DNAJB12: variants seen among roughly 807,000 people sequenced by gnomAD.
DNAJB12 encodes dnaJ homolog subfamily B member 12.
Under a neutral mutation model 40.6 loss-of-function variants are expected in DNAJB12, and 14 were observed. The observed-to-expected ratio is 0.34, with a 90% CI of 0.23 to 0.54. The LOEUF (loss-of-function observed/expected upper bound fraction) is 0.54. Ranked by LOEUF, DNAJB12 falls within the 20% of genes least tolerant of loss-of-function variation. The pLI, the probability that DNAJB12 is intolerant of heterozygous loss-of-function variation, is 0.92. For synonymous variants in DNAJB12, 181 were observed against 199.5 expected (o/e 0.91, Z 0.78); for missense variants, 444 against 501.7 (o/e 0.89, Z 1.10).
At chr10:72,344,336 C>A (rs1861722945) in intron 2 of DNAJB12, among the ~76,000 whole-genome samples, 1 of 152,206 alleles carries the variant, frequency 6.6e-6, no homozygotes, top group East Asian at 1.9e-4. Context: ...GGCCTTGGTC[C>A]TGAAGCTTGC....
At position 72,335,119 on chromosome 10, in the gene DNAJB12, C is replaced by T; in HGVS notation, c.*31-502G>A. 1.0e-6 allele frequency: 1 copy of T among 989,792 alleles called. No individual in the cohort carries two copies. Among genetic ancestry groups the T allele is most frequent in the South Asian group, 4.6e-5 (1 of 21,934 alleles). 61.3% of individuals were successfully genotyped at this position (989,792 alleles called of 1,614,324 possible). A position where few individuals can be genotyped will look rare whatever the true frequency, so the allele number is the denominator to read the frequency against. On this transcript the variant is annotated intron_variant, in intron 8 of 8. Coordinates refer to ENST00000444643, the MANE Select transcript of DNAJB12 (RefSeq NM_017626.7). This position sits in a 1 kb window ranked among gnomAD's most constrained non-coding sequence, Gnocchi z 4.4. ...GAGATGCCTGGGCAAGGCCGGATGC[C>T]TGTGGCTTCCAGGCTGCCAGGTGTG...
At chr10:72,348,950 T>C (rs1861868049) in intron 1 of DNAJB12, among the ~76,000 whole-genome samples, 1 of 152,178 alleles carries the variant, frequency 6.6e-6, no homozygotes, top group Admixed American at 6.5e-5. Context: ...ACCACACAGC[T>C]GGTTAGGAGG....
intron 6 of DNAJB12, 84 bp downstream of exon 6, chr10:72,338,118 C>A: frequency 8.6e-7 from 1 of 1,162,572 alleles, no homozygotes; most frequent in South Asian, 1.3e-5. Context: ...CTGGCTGGAT[C>A]AGGATGGGAA....
chr10:72,345,025 G>C lies in DNAJB12; in HGVS notation c.236C>G (p.Ala79Gly), dbSNP rs1256372622. Residue 79 changes from alanine (A) to glycine (G), a missense_variant, in exon 2 of 9, where the codon GCC becomes GGC. Ala to Gly is a moderately conservative substitution (Grantham distance 60). Coordinates refer to ENST00000444643, the MANE Select transcript of DNAJB12 (RefSeq NM_017626.7). The part of the protein sequence containing the change: ...ATHRKAGGTD[A>G]PSANGEAGGE... ...TCCAGCTTCACCGTTGGCCGAGGGG[G>C]CATCGGTCCCACCTGCTTTCCTGTG... is the stretch of plus-strand genomic sequence containing the variant. 1.2e-6 allele frequency: 2 copies of C among 1,614,110 alleles called. No homozygotes were observed. The highest frequency in any genetic ancestry group is 2.7e-5 in the African/African-American group (2 of 74,932).
chr10:72,346,209 G>A (rs1427095026), intron 1 of DNAJB12, among the ~76,000 whole-genome samples: 2 of 152,098 alleles, frequency 1.3e-5, no homozygotes, highest in Non-Finnish European at 1.5e-5. Context: ...TGTTGCCCAG[G>A]CTGGAGTGCA....
intron 3 of DNAJB12, among the ~76,000 whole-genome samples, chr10:72,342,138 TGGTGATGCAGCTGG>T (rs1404488496): frequency 6.6e-6 from 1 of 152,180 alleles, no homozygotes; most frequent in African/African-American, 2.4e-5. Context: ...CCTCCACTTC[TGGTGATGCAGCTGG>T]GGTGAGTCCC....
chr10:72,354,525 C>G (rs1200791570), intron 1 of DNAJB12: 1 of 505,860 alleles, frequency 2.0e-6, no homozygotes, highest in Non-Finnish European at 3.5e-6. Context: ...CAAACCCCAG[C>G]GGGCTCCGCC....
At chr10:72,339,845 G>A (rs1861582880) in intron 5 of DNAJB12, among the ~76,000 whole-genome samples, 1 of 151,550 alleles carries the variant, frequency 6.6e-6, no homozygotes, top group South Asian at 2.1e-4. Flanking sequence ...TCCCGAGTAG[G>A]GATTAAAGGC....
chr10:72,352,350 C>T (rs574553641), intron 1 of DNAJB12, among the ~76,000 whole-genome samples: 45 of 152,318 alleles, frequency 3.0e-4, no homozygotes, highest in African/African-American at 1.1e-3. Context: ...TCTCTTCCCC[C>T]AAACGTTACA....
In DNAJB12 at chr10:72,349,400, G is replaced by A. The variant is rs893646904; in HGVS notation, c.134-4273C>T. ...GAAGGCAAAGACTCAGCGCTCAGCA[G>A]ACTCTGGAACCAGTAGTAACCATGA... On this transcript the variant is annotated intron_variant, in intron 1 of 8. Coordinates refer to ENST00000444643, the MANE Select transcript of DNAJB12 (RefSeq NM_017626.7). 3.9e-5 allele frequency among the ~76,000 whole-genome samples: 6 copies of A among 152,156 alleles called. No individual in the cohort carries two copies. The South Asian group carries it at 1.2e-3, about 31-fold the overall frequency.
At chr10:72,347,234 T>C (rs1861816225) in intron 1 of DNAJB12, among the ~76,000 whole-genome samples, 1 of 152,224 alleles carries the variant, frequency 6.6e-6, no homozygotes, top group African/African-American at 2.4e-5. Context: ...GTGCTGGGAT[T>C]ACAGGCATGA....
chr10:72,336,981 AC>A (rs1861496940), intron 6 of DNAJB12: 1 of 289,950 alleles, frequency 3.4e-6, no homozygotes, highest in African/African-American at 2.2e-5. Context: ...GGAACTGGAG[AC>A]CTGAGAGGGA....
intron 2 of DNAJB12, among the ~76,000 whole-genome samples, 163 bp downstream of exon 2, chr10:72,344,784 TAAG>T (rs1434931782): frequency 6.6e-6 from 1 of 151,954 alleles, no homozygotes; most frequent in Non-Finnish European, 1.5e-5. Flanking sequence ...TTGAGGGAAA[TAAG>T]GAGAGGTCCT....
chr10:72,334,715 G>A, intron 8 of DNAJB12, 98 bp from the exon 9 acceptor site: 1 of 1,441,270 alleles, frequency 6.9e-7, no homozygotes, highest in Non-Finnish European at 9.0e-7. Flanking sequence ...CTGCACCGCT[G>A]CACCGTGCTG....
intron 6 of DNAJB12, among the ~76,000 whole-genome samples, chr10:72,337,786 G>GAA (rs1861518246): frequency 6.6e-6 from 1 of 152,164 alleles, no homozygotes; most frequent in Admixed American, 6.6e-5. Flanking sequence ...AGGAGCAGAG[G>GAA]TTCTTCGTCA....
At chr10:72,349,994 C>G (rs1861892899) in intron 1 of DNAJB12, among the ~76,000 whole-genome samples, 1 of 152,118 alleles carries the variant, frequency 6.6e-6, no homozygotes, top group Non-Finnish European at 1.5e-5. Flanking sequence ...CTCAGTAAAG[C>G]TGGCAGACTT....
chr10:72,340,760 G>T (rs780575099), intron 5 of DNAJB12, 29 bp downstream of exon 5: 2 of 1,609,562 alleles, frequency 1.2e-6, no homozygotes, highest in African/African-American at 2.7e-5. Flanking sequence ...TGCCCTTCCC[G>T]CGCTGTCCCT....
At position 72,335,185 on chromosome 10, in the gene DNAJB12, G is replaced by A; in HGVS notation, c.*31-568C>T. The A allele has an allele frequency of 1.0e-6, 1 of 987,480 alleles. No homozygotes were observed. The highest frequency in any genetic ancestry group is 1.7e-5 in the African/African-American group (1 of 57,412). 61.2% of individuals were successfully genotyped at this position (987,480 alleles called of 1,614,324 possible). A position where few individuals can be genotyped will look rare whatever the true frequency, so the allele number is the denominator to read the frequency against. On this transcript the variant is annotated intron_variant, in intron 8 of 8. Transcript: ENST00000444643. The surrounding 1 kb of genome is among the most constrained non-coding windows in gnomAD (Gnocchi z 4.4). ...GTGCCTCAGATCCCACCAGAGGGGG[G>A]TGGTCAGGGCCCGCGGCCCCTGCCG... is the stretch of plus-strand genomic sequence containing the variant.
At chr10:72,334,898 A>G in intron 8 of DNAJB12, 4 of 1,270,250 alleles carry the variant, frequency 3.1e-6, no homozygotes, top group Non-Finnish European at 4.0e-6. Flanking sequence ...GCTTCTGCCC[A>G]CACTTCTCTG....
Sources: gnomAD v4.1 joint callset for allele counts (sites outside exome capture counted in the v4.1 genomes callset) on GRCh38, gnomAD v4.1.1 for gene constraint, Gnocchi (gnomAD v3.1) non-coding constraint, MANE v1.5 for transcripts, NCBI Gene and HGNC (gene_info 2026-07-23, HGNC 2026-07-21) for gene names.